RNF111: variants seen among roughly 807,000 people sequenced by gnomAD.
RNF111 encodes the protein E3 ubiquitin-protein ligase Arkadia.
RNF111 carries 17 observed loss-of-function variants against 95.1 expected under a neutral mutation model. The observed-to-expected ratio is 0.18, with a 90% confidence interval of 0.12 to 0.27. RNF111 has a LOEUF of 0.27. Ranked by LOEUF, RNF111 falls within the 10% of genes least tolerant of loss-of-function variation. RNF111 has a pLI of 1.00. For missense variants in RNF111, 1,189 were observed against 1,210.4 expected (o/e 0.98, Z 0.26); for synonymous variants, 440 against 414.8 (o/e 1.06, Z -0.74).
At chr15:59,052,179 T>G in intron 2 of RNF111, 126 bp from the exon 3 acceptor site, 1 of 856,092 alleles carries the variant, frequency 1.2e-6, no homozygotes, top group South Asian at 2.6e-5. Context: ...TTAAAAAACC[T>G]TTTTGACAGA....
intron 2 of RNF111, 100 bp downstream of exon 2, chr15:59,031,802 A>G: frequency 9.9e-7 from 1 of 1,010,914 alleles, no homozygotes; most frequent in Non-Finnish European, 1.5e-6. Context: ...AGGGACTATC[A>G]GGTTCTATTA....
At chr15:59,031,897 A>G (rs1567229558) in intron 2 of RNF111, among the ~76,000 whole-genome samples, 195 bp downstream of exon 2, 2 of 152,214 alleles carry the variant, frequency 1.3e-5, no homozygotes, top group South Asian at 4.1e-4. Context: ...AAAAATTTCT[A>G]GTGACAAAAA....
intron 1 of RNF111, among the ~76,000 whole-genome samples, chr15:59,001,848 T>C (rs2039337672): frequency 6.6e-6 from 1 of 152,220 alleles, no homozygotes; most frequent in African/African-American, 2.4e-5. Flanking sequence ...CAGTAGATGC[T>C]TAACAGCCAC....
rs376497752 is a variant in RNF111, at chr15:59,058,389, T to C, written c.1205T>C (p.Met402Thr). ...GTAGTACCAACCACTTCTGCAAGAA[T>C]GGAATCACAAGCTACTAGCGCTTCC... is the stretch of plus-strand genomic sequence containing the variant. The part of the protein sequence containing the change: ...PTVVPTTSAR[M>T]ESQATSASIN... Residue 402 changes from methionine to threonine, a missense_variant, in exon 5 of 14, where the codon ATG becomes ACG. Physicochemically the swap from Met to Thr is moderately conservative, Grantham distance 81 (BLOSUM62 -1). This residue lies in a region of RNF111 where 1,024 missense variants were observed against 925.9 expected (regional missense o/e 1.11). Transcript: ENST00000348370. 4.8e-5 allele frequency: 78 copies of C among 1,614,018 alleles called. No individual in the cohort carries two copies. Among genetic ancestry groups the C allele is most frequent in the Non-Finnish European group, 6.3e-5 (74 of 1,179,986 alleles).
intron 1 of RNF111, among the ~76,000 whole-genome samples, chr15:58,994,142 A>G (rs1307344673): frequency 7.1e-6 from 1 of 141,668 alleles, no homozygotes; most frequent in Non-Finnish European, 1.5e-5. Flanking sequence ...GCTTCAAGTG[A>G]TTTTCCTGAC....
intron 2 of RNF111, among the ~76,000 whole-genome samples, chr15:59,042,369 C>T (rs1332215459): frequency 1.3e-5 from 2 of 152,108 alleles, no homozygotes; most frequent in Non-Finnish European, 2.9e-5. Flanking sequence ...TCAAGTGATC[C>T]ACCCGCTCGG....
chr15:59,060,458 C>T (rs985868907), intron 5 of RNF111, among the ~76,000 whole-genome samples: 2 of 151,992 alleles, frequency 1.3e-5, no homozygotes, highest in Admixed American at 1.3e-4. Flanking sequence ...AAAAACAAAA[C>T]AAAACAAAAA....
Position 59,031,299 on chromosome 15 carries a change from A to G in RNF111, c.477A>G (p.Lys159=). 1 of 1,614,196 alleles carries G rather than the reference A, an allele frequency of 6.2e-7. No individual in the cohort carries two copies. The highest frequency in any genetic ancestry group is 8.5e-7 in the Non-Finnish European group (1 of 1,180,032). The part of the protein sequence containing the change: ...DSDTVTSDED[K]EVSVRHSQTI... ...ATACTGTGACTTCAGATGAGGATAA[A>G]GAAGTCTCTGTAAGACATTCCCAGA... is the stretch of plus-strand genomic sequence containing the variant. Residue 159 remains lysine, a synonymous_variant, in exon 2 of 14, where the codon AAA becomes AAG. Transcript: ENST00000348370.
rs2079186492 is a variant in RNF111, at chr15:59,097,127, AAAGT to A, written c.*2231_*2234del. On this transcript the variant is annotated 3_prime_UTR_variant, in exon 14 of 14. Coordinates refer to ENST00000348370, the MANE Select transcript of RNF111 (RefSeq NM_017610.8). The stretch of plus-strand genomic sequence containing the variant: ...TCGAAAAATGTGATAAGTAATGAAG[AAAGT>A]AAGGAAGAAAATGACTTTGAACATT... 1.3e-5 allele frequency: 2 copies of A among 152,342 alleles called. No homozygotes were observed. The highest frequency in any genetic ancestry group is 1.9e-4 in the East Asian group (1 of 5,192). The allele number at this position is 152,342 out of a possible 1,614,324, so 9.4% of individuals were successfully genotyped here.
rs1179990926 is a variant in RNF111 at position 59,081,209 on chromosome 15, C to A, written c.2222C>A (p.Pro741Gln). Reference protein sequence around the residue: ...ISHHIPATAPPAQRLHPHEVM... With the variant: ...ISHHIPATAPQAQRLHPHEVM... ...CACCATATTCCAGCCACAGCACCTC[C>A]AGCACAGAGACTGCATCCTCATGAA... is the stretch of plus-strand genomic sequence containing the variant. Residue 741 changes from proline (P) to glutamine (Q), a missense_variant, in exon 8 of 14, where the codon CCA (proline) becomes CAA (glutamine). Physicochemically the swap from Pro to Gln is moderately conservative, Grantham distance 76. This residue lies in a region of RNF111 where 1,024 missense variants were observed against 925.9 expected (regional missense o/e 1.11). Coordinates refer to ENST00000348370, the MANE Select transcript of RNF111 (RefSeq NM_017610.8). The A allele has an allele frequency of 1.2e-6, 2 of 1,614,218 alleles. No homozygotes were observed. Among genetic ancestry groups the A allele is most frequent in the Non-Finnish European group, 1.7e-6 (2 of 1,180,032 alleles).
Position 59,096,884 on chromosome 15 carries a change from G to A in RNF111, c.*1984G>A, listed in dbSNP as rs911623154. The A allele has an allele frequency of 1.3e-5, 2 of 152,150 alleles. No individual in the cohort carries two copies. The highest frequency in any genetic ancestry group is 1.5e-5 in the Non-Finnish European group (1 of 68,034). The allele number at this position is 152,150 out of a possible 1,614,324, so 9.4% of individuals were successfully genotyped here. ...CTGTATGTCATGGAGTCCTCTTGAC[G>A]TTCCCCCAGATACAAGTAAAGCACA... On this transcript the variant is annotated 3_prime_UTR_variant, in exon 14 of 14. Coordinates refer to ENST00000348370, the MANE Select transcript of RNF111 (RefSeq NM_017610.8).
intron 1 of RNF111, among the ~76,000 whole-genome samples, chr15:59,005,562 G>C (rs888525369): frequency 2.0e-5 from 3 of 151,858 alleles, no homozygotes; most frequent in African/African-American, 7.3e-5. Flanking sequence ...CCTTTGCTTT[G>C]GCCTTTAACA....
rs990740550 is a variant in RNF111, at chr15:59,071,350, A to G, written c.1686+4267A>G. ...AAGAAGTGATTCTTGCCTTTGCTATAGAGTAGAGGTGAAAGTGTTTTGCTT... is the reference window on the plus strand; with the variant it reads ...AAGAAGTGATTCTTGCCTTTGCTATGGAGTAGAGGTGAAAGTGTTTTGCTT... On this transcript the variant is annotated intron_variant, in intron 6 of 13. Transcript: ENST00000348370. 1.9e-4 allele frequency among the ~76,000 whole-genome samples: 28 copies of G among 150,204 alleles called. No homozygotes were observed. The East Asian group carries it at 3.4e-3, about 18-fold the overall frequency.
chr15:59,049,953 G>T (rs2041906011), intron 2 of RNF111, among the ~76,000 whole-genome samples: 1 of 151,228 alleles, frequency 6.6e-6, no homozygotes, highest in Non-Finnish European at 1.5e-5. Context: ...TGTTGGTCAG[G>T]CTGGTCCCAA....
At chr15:59,064,484 G>A (rs2042570895) in intron 5 of RNF111, among the ~76,000 whole-genome samples, 2 of 146,714 alleles carry the variant, frequency 1.4e-5, no homozygotes, top group African/African-American at 2.5e-5. Flanking sequence ...TGCAGTAAGT[G>A]GAGATTGCGC....
At chr15:59,064,795 A>G (rs1430628506) in intron 5 of RNF111, among the ~76,000 whole-genome samples, 3 of 151,966 alleles carry the variant, frequency 2.0e-5, no homozygotes, top group Non-Finnish European at 2.9e-5. Flanking sequence ...ACTGTGTAAC[A>G]GAGGTTAGAG....
chr15:59,023,603 G>A lies in RNF111; in HGVS notation c.-19-7201G>A, dbSNP rs77163081. Among the ~76,000 whole-genome samples, 1,052 of 152,146 alleles carry A rather than the reference G, an allele frequency of 6.9e-3. 9 individuals carry two copies. Among genetic ancestry groups the A allele is most frequent in the African/African-American group, 0.024 (1,013 of 41,480 alleles). Reference sequence around the variant, plus strand: ...GTTGCCAGTGGTTTTCTACTATTGAGCTCATTTGTCAGTGTCATCTGCCAA... The same window carrying A: ...GTTGCCAGTGGTTTTCTACTATTGAACTCATTTGTCAGTGTCATCTGCCAA... On this transcript the variant is annotated intron_variant, in intron 1 of 13. Transcript: ENST00000348370.
At position 59,058,392 on chromosome 15, in the gene RNF111, A is replaced by G; in HGVS notation, c.1208A>G (p.Glu403Gly). Residue 403 changes from glutamate (E) to glycine (G), a missense_variant, in exon 5 of 14, where the codon GAA becomes GGA. Around this residue, in one of 2 missense-constraint regions of RNF111, gnomAD observed 1,024 missense variants for 925.9 expected, o/e 1.11. Transcript: ENST00000348370. ...GTACCAACCACTTCTGCAAGAATGGAATCACAAGCTACTAGCGCTTCCATT... is the reference window on the plus strand; with the variant it reads ...GTACCAACCACTTCTGCAAGAATGGGATCACAAGCTACTAGCGCTTCCATT... Reference protein sequence around the residue: ...TVVPTTSARMESQATSASINN... With the variant: ...TVVPTTSARMGSQATSASINN... The G allele has an allele frequency of 6.2e-7, 1 of 1,614,132 alleles. No individual in the cohort carries two copies. The highest frequency in any genetic ancestry group is 8.5e-7 in the Non-Finnish European group (1 of 1,179,984).
chr15:59,047,091 G>A (rs2041749127), intron 2 of RNF111, among the ~76,000 whole-genome samples: 1 of 152,072 alleles, frequency 6.6e-6, no homozygotes, highest in Admixed American at 6.6e-5. Flanking sequence ...CCAAAATGCT[G>A]GGATTACAGG....
Sources: allele counts gnomAD v4.1 joint callset (sites outside exome capture counted in the v4.1 genomes callset), GRCh38; gene constraint gnomAD v4.1.1; regional missense constraint gnomAD v4.1.1; transcripts MANE v1.5; gene names NCBI Gene and HGNC (gene_info 2026-07-23, HGNC 2026-07-21).